The following TRPC4AP variants were observed in gnomAD, a reference collection of about 807,000 sequenced individuals.
TRPC4AP encodes the protein short transient receptor potential channel 4-associated protein.
In TRPC4AP, 45 loss-of-function variants were observed where a neutral mutation model predicts 99.0. The observed-to-expected ratio is 0.45, with a 90% CI of 0.36 to 0.58. The LOEUF (loss-of-function observed/expected upper bound fraction) is 0.58. TRPC4AP is among the 20% of genes least tolerant of loss of function. The pLI is 0.00. For missense variants in TRPC4AP, 879 were observed against 985.3 expected (o/e 0.89, Z 1.44); for synonymous variants, 408 against 385.8 (o/e 1.06, Z -0.67).
At chr20:35,092,047 C>G (rs2085082519) in intron 1 of TRPC4AP, among the ~76,000 whole-genome samples, 1 of 151,786 alleles carries the variant, frequency 6.6e-6, no homozygotes, top group Non-Finnish European at 1.5e-5. Flanking sequence ...GGGAGACGGG[C>G]GAGAAAAAGG....
At chr20:35,068,720 C>T (rs1479598523) in intron 3 of TRPC4AP, among the ~76,000 whole-genome samples, 1 of 151,974 alleles carries the variant, frequency 6.6e-6, no homozygotes, top group Non-Finnish European at 1.5e-5. Flanking sequence ...CAGGGTTTCA[C>T]CATCTTGGAC....
rs371284276 is a variant in TRPC4AP, at chr20:35,002,418, A to AAGTT, written c.*724_*727dup. ...GTCCACAGCAGTCATTTTTAAAATA[A>AAGTT]AGTTATTTAATAGTCTCCATTTAAT... On this transcript the variant is annotated 3_prime_UTR_variant, in exon 19 of 19. Coordinates refer to ENST00000252015, the MANE Select transcript of TRPC4AP (RefSeq NM_015638.3). 5.9e-3 allele frequency: 2,487 copies of AAGTT among 422,558 alleles called. 8 individuals are homozygous for AAGTT. The highest frequency in any genetic ancestry group is 8.5e-3 in the Non-Finnish European group (2,052 of 242,746). 26.2% of individuals were successfully genotyped at this position (422,558 alleles called of 1,614,324 possible).
intron 3 of TRPC4AP, among the ~76,000 whole-genome samples, chr20:35,060,505 CGCTT>C (rs2083971673): frequency 6.8e-6 from 1 of 146,716 alleles, no homozygotes; most frequent in African/African-American, 2.5e-5. Context: ...ATAGGAGGCT[CGCTT>C]GAGCCCAGGA....
intron 15 of TRPC4AP, 36 bp downstream of exon 15, chr20:35,006,399 C>A: frequency 6.2e-7 from 1 of 1,610,124 alleles, no homozygotes; most frequent in African/African-American, 1.3e-5. Flanking sequence ...TTCTGGACAA[C>A]CCAGCACACT....
intron 10 of TRPC4AP, among the ~76,000 whole-genome samples, chr20:35,013,723 G>C (rs1210785150): frequency 6.6e-6 from 1 of 152,224 alleles, no homozygotes; most frequent in Non-Finnish European, 1.5e-5. Flanking sequence ...AGTGTGGAGA[G>C]GTGGAGACAA....
intron 1 of TRPC4AP, among the ~76,000 whole-genome samples, chr20:35,086,030 C>T (rs867269926): frequency 2.6e-4 from 39 of 152,020 alleles, no homozygotes; most frequent in African/African-American, 8.5e-4. Flanking sequence ...CCTCCCACCT[C>T]AGCCCTGCCC....
intron 2 of TRPC4AP, among the ~76,000 whole-genome samples, chr20:35,074,490 A>T (rs2084418026): frequency 6.6e-6 from 1 of 152,202 alleles, no homozygotes. Context: ...CAATGGTTTC[A>T]AAGAACACCT....
chr20:35,049,747 G>T, intron 6 of TRPC4AP, 119 bp downstream of exon 6: 2 of 1,214,894 alleles, frequency 1.6e-6, no homozygotes, highest in Non-Finnish European at 2.3e-6. Flanking sequence ...GAATACATCT[G>T]AGTAACAAGA....
chr20:35,058,134 G>A (rs1009401679), intron 3 of TRPC4AP, among the ~76,000 whole-genome samples: 3 of 152,178 alleles, frequency 2.0e-5, no homozygotes, highest in Non-Finnish European at 4.4e-5. Context: ...CTACAAATAT[G>A]TATGTACCTA....
intron 6 of TRPC4AP, among the ~76,000 whole-genome samples, chr20:35,048,684 T>TG (rs1296191261): frequency 6.6e-6 from 1 of 152,174 alleles, no homozygotes; most frequent in Non-Finnish European, 1.5e-5. Flanking sequence ...CTCGCCATTT[T>TG]GGGGTACACA....
At chr20:35,027,485 T>G (rs1278426457) in intron 8 of TRPC4AP, among the ~76,000 whole-genome samples, 1 of 152,244 alleles carries the variant, frequency 6.6e-6, no homozygotes, top group East Asian at 1.9e-4. Flanking sequence ...GAGATACTGG[T>G]CTTGTGATGT....
At chr20:35,042,700 C>A (rs778181669) in intron 7 of TRPC4AP, among the ~76,000 whole-genome samples, 5 of 152,216 alleles carry the variant, frequency 3.3e-5, no homozygotes, top group Non-Finnish European at 5.9e-5. Context: ...ATTATCTACA[C>A]TCTTATGACC....
At chr20:35,003,882 A>T (rs2082454502) in intron 17 of TRPC4AP, among the ~76,000 whole-genome samples, 1 of 152,184 alleles carries the variant, frequency 6.6e-6, no homozygotes, top group African/African-American at 2.4e-5. Context: ...CCTGGGCTCA[A>T]GCATCACTCC....
intron 1 of TRPC4AP, among the ~76,000 whole-genome samples, chr20:35,087,536 G>A (rs1569159246): frequency 6.6e-6 from 1 of 152,060 alleles, no homozygotes; most frequent in South Asian, 2.1e-4. Context: ...CCTGTAATGT[G>A]AGCTGCACTA....
intron 3 of TRPC4AP, among the ~76,000 whole-genome samples, chr20:35,061,270 T>C (rs1380219743): frequency 6.6e-6 from 1 of 152,128 alleles, no homozygotes; most frequent in African/African-American, 2.4e-5. Flanking sequence ...TAAAAACACT[T>C]AGAAATAAGT....
chr20:35,092,494 T>G, intron 1 of TRPC4AP, 120 bp downstream of exon 1: 2 of 1,243,376 alleles, frequency 1.6e-6, no homozygotes, highest in South Asian at 1.7e-5. Flanking sequence ...AGGGAGGCCT[T>G]CCGGCCAGCC....
At chr20:35,086,473 G>C (rs145122523) in intron 1 of TRPC4AP, among the ~76,000 whole-genome samples, 1 of 105,004 alleles carries the variant, frequency 9.5e-6, no homozygotes. Context: ...GTGTGTGTGT[G>C]TGTATGTGTG....
intron 8 of TRPC4AP, among the ~76,000 whole-genome samples, chr20:35,031,908 T>G (rs933606468): frequency 6.6e-6 from 1 of 152,198 alleles, no homozygotes; most frequent in Non-Finnish European, 1.5e-5. Flanking sequence ...AAAGTTTTTT[T>G]TGAGACAAAG....
intron 1 of TRPC4AP, among the ~76,000 whole-genome samples, chr20:35,091,107 A>T (rs2085051220): frequency 6.6e-6 from 1 of 150,542 alleles, no homozygotes; most frequent in African/African-American, 2.5e-5. Flanking sequence ...TCCCAGGCTC[A>T]GGTAATCCTC....
Sources: allele counts gnomAD v4.1 joint callset (sites outside exome capture counted in the v4.1 genomes callset), GRCh38; gene constraint gnomAD v4.1.1; transcripts MANE v1.5; gene names NCBI Gene and HGNC (gene_info 2026-07-23, HGNC 2026-07-21).